Variants in EPHB1 observed in about 807,000 individuals in gnomAD.
EPHB1 encodes EPH receptor B1, also known as ephrin type-B receptor 1.
A neutral mutation model predicts 94.4 loss-of-function variants in EPHB1; 30 were observed. The observed-to-expected ratio is 0.32, with a 90% CI of 0.24 to 0.43. The LOEUF is 0.43. EPHB1 is among the 20% of genes least tolerant of loss of function. EPHB1 has a pLI of 1.00. For synonymous variants in EPHB1, 522 were observed against 489.1 expected (o/e 1.07, Z -0.89); for missense variants, 1,055 against 1,308.3 (o/e 0.81, Z 2.99).
chr3:134,914,597 G>A (rs1461000635), intron 1 of EPHB1, among the ~76,000 whole-genome samples: 4 of 152,104 alleles, frequency 2.6e-5, no homozygotes, highest in Admixed American at 2.6e-4. Context: ...GAGACATGGG[G>A]GCTGCCTTCC....
Position 135,035,739 on chromosome 3 carries a change from A to G in EPHB1, c.806-70709A>G, listed in dbSNP as rs140340119. ...AGGTACTACTCCAGCATCTCCTGCC[A>G]CTGCACATATACTTGCATGATGCAT... is the stretch of plus-strand genomic sequence containing the variant. On this transcript the variant is annotated intron_variant, in intron 3 of 15. Coordinates refer to ENST00000398015, the MANE Select transcript of EPHB1 (RefSeq NM_004441.5). Among the ~76,000 whole-genome samples the G allele has an allele frequency of 2.0e-3, 301 of 152,328 alleles. 1 individual carries two copies. The highest frequency in any genetic ancestry group is 6.8e-3 in the African/African-American group (283 of 41,578).
intron 1 of EPHB1, among the ~76,000 whole-genome samples, chr3:134,907,372 A>G (rs749896525): frequency 1.3e-5 from 2 of 152,182 alleles, no homozygotes; most frequent in Non-Finnish European, 2.9e-5. Flanking sequence ...GCTTTGCATC[A>G]TTTTTCTAAA....
intron 1 of EPHB1, among the ~76,000 whole-genome samples, chr3:134,808,051 A>G (rs984768489): frequency 3.3e-5 from 5 of 152,226 alleles, no homozygotes; most frequent in African/African-American, 1.2e-4. Flanking sequence ...AAGTTCATAG[A>G]GGTCAGAGGC....
chr3:135,049,878 G>T (rs1348919779), intron 3 of EPHB1, among the ~76,000 whole-genome samples: 4 of 152,190 alleles, frequency 2.6e-5, no homozygotes, highest in Non-Finnish European at 2.9e-5. Flanking sequence ...TCTGTGCTCT[G>T]AGTGTTTTTC....
At chr3:134,992,555 G>A (rs1189251747) in intron 3 of EPHB1, among the ~76,000 whole-genome samples, 1 of 152,218 alleles carries the variant, frequency 6.6e-6, no homozygotes, top group East Asian at 1.9e-4. Flanking sequence ...AGCATTTTGA[G>A]CACAAGTACA....
intron 3 of EPHB1, among the ~76,000 whole-genome samples, chr3:134,960,559 G>A (rs767529300): frequency 2.0e-5 from 3 of 152,200 alleles, no homozygotes; most frequent in Non-Finnish European, 2.9e-5. Flanking sequence ...AAGACAGAGA[G>A]TATCTCATCT....
At chr3:134,984,277 G>A (rs1308132697) in intron 3 of EPHB1, among the ~76,000 whole-genome samples, 2 of 152,080 alleles carry the variant, frequency 1.3e-5, no homozygotes, top group African/African-American at 2.4e-5. Flanking sequence ...CCCCACAGCT[G>A]TGGGCTCCAC....
intron 3 of EPHB1, among the ~76,000 whole-genome samples, chr3:135,039,082 C>T (rs1056100607): frequency 2.0e-5 from 3 of 152,164 alleles, no homozygotes; most frequent in Admixed American, 1.3e-4. Flanking sequence ...TACAGAGTGT[C>T]GATTGGTGCA....
chr3:135,077,671 A>G (rs546013173), intron 3 of EPHB1, among the ~76,000 whole-genome samples: 8 of 152,306 alleles, frequency 5.3e-5, no homozygotes, highest in African/African-American at 1.7e-4. Context: ...GGGGAAACAT[A>G]AAGACCCTGA....
chr3:134,820,184 C>T (rs901605763), intron 1 of EPHB1, among the ~76,000 whole-genome samples: 3 of 152,180 alleles, frequency 2.0e-5, no homozygotes, highest in Admixed American at 1.3e-4. Flanking sequence ...ACATCACTCC[C>T]TCTTTCTTCC....
intron 3 of EPHB1, among the ~76,000 whole-genome samples, chr3:135,076,260 T>TATATATATATATATATA (rs1424213544): frequency 1.9e-5 from 2 of 104,350 alleles, no homozygotes; most frequent in African/African-American, 7.2e-5. Flanking sequence ...TATATATATA[T>TATATATATATATATATA]AACTCTTAAA....
intron 10 of EPHB1, among the ~76,000 whole-genome samples, chr3:135,189,996 C>T (rs1942416741): frequency 6.6e-6 from 1 of 152,214 alleles, no homozygotes; most frequent in Admixed American, 6.5e-5. Flanking sequence ...GCATGATGGT[C>T]CCTGAACTAT....
intron 3 of EPHB1, among the ~76,000 whole-genome samples, chr3:135,068,647 A>AT (rs544925068): frequency 0.043 from 6,108 of 141,278 alleles, 195 homozygotes; most frequent in East Asian, 0.13. Context: ...GAAGTTTTTA[A>AT]TTTTTTTTTT....
intron 4 of EPHB1, among the ~76,000 whole-genome samples, chr3:135,123,139 A>G (rs550802336): frequency 5.9e-5 from 9 of 152,240 alleles, no homozygotes; most frequent in Admixed American, 1.3e-4. Flanking sequence ...TAAGGATGAG[A>G]TTTGGAACCT....
intron 1 of EPHB1, among the ~76,000 whole-genome samples, chr3:134,910,600 T>C (rs180780720): frequency 1.3e-5 from 2 of 152,292 alleles, no homozygotes; most frequent in Non-Finnish European, 2.9e-5. Context: ...CATAGCAGCA[T>C]GAGTGACAGG....
At chr3:135,007,501 T>C (rs948751738) in intron 3 of EPHB1, among the ~76,000 whole-genome samples, 1 of 152,204 alleles carries the variant, frequency 6.6e-6, no homozygotes, top group Non-Finnish European at 1.5e-5. Flanking sequence ...TCGTATTATC[T>C]TGTGGCTTCC....
intron 1 of EPHB1, among the ~76,000 whole-genome samples, chr3:134,820,221 G>A (rs1388469211): frequency 6.6e-6 from 1 of 152,196 alleles, no homozygotes; most frequent in Non-Finnish European, 1.5e-5. Flanking sequence ...CTACTCTCAT[G>A]GTCCCATCTG....
At chr3:134,979,545 C>T (rs779535042) in intron 3 of EPHB1, among the ~76,000 whole-genome samples, 6 of 152,218 alleles carry the variant, frequency 3.9e-5, no homozygotes, top group Non-Finnish European at 5.9e-5. Context: ...AAGCAAGTTA[C>T]ACTTTCCCAT....
chr3:135,210,699 C>T (rs561243274), intron 12 of EPHB1, among the ~76,000 whole-genome samples: 10 of 152,302 alleles, frequency 6.6e-5, no homozygotes, highest in East Asian at 3.9e-4. Context: ...GCTATTGCAG[C>T]GGCAGCTTTG....
Sources: allele counts gnomAD v4.1 joint callset (sites outside exome capture counted in the v4.1 genomes callset), GRCh38; gene constraint gnomAD v4.1.1; transcripts MANE v1.5; gene names NCBI Gene and HGNC (gene_info 2026-07-23, HGNC 2026-07-21).